FRMD4A: variants seen among roughly 807,000 people sequenced by gnomAD.
FRMD4A encodes the protein FERM domain containing 4A.
A neutral mutation model predicts 129.1 loss-of-function variants in FRMD4A; 29 were observed. The ratio of observed to expected loss-of-function variants is 0.22; its 90% confidence interval spans 0.17 to 0.31. FRMD4A has a LOEUF of 0.31. Among genes scored for constraint, FRMD4A ranks in the 10% least tolerant of loss-of-function variants. The pLI is 1.00. For missense variants in FRMD4A, 1,272 were observed against 1,375.8 expected (o/e 0.92, Z 1.19); for synonymous variants, 634 against 571.6 (o/e 1.11, Z -1.56).
chr10:13,820,348 T>C (rs1012962995), intron 3 of FRMD4A, among the ~76,000 whole-genome samples: 1 of 152,136 alleles, frequency 6.6e-6, no homozygotes, highest in African/African-American at 2.4e-5. Context: ...GAAGCCTGCA[T>C]TGACATTGGT....
chr10:13,955,554 T>G (rs1421532025), intron 2 of FRMD4A, among the ~76,000 whole-genome samples: 1 of 152,236 alleles, frequency 6.6e-6, no homozygotes, highest in Non-Finnish European at 1.5e-5. Flanking sequence ...TTTCTGCAGA[T>G]GAGCTGCAGT....
intron 2 of FRMD4A, among the ~76,000 whole-genome samples, chr10:14,047,886 G>C (rs1377759961): frequency 6.6e-6 from 1 of 152,160 alleles, no homozygotes; most frequent in Non-Finnish European, 1.5e-5. Flanking sequence ...GGCCTGTGTA[G>C]ACTATTGAAG....
At chr10:13,945,535 A>C (rs922320154) in intron 2 of FRMD4A, among the ~76,000 whole-genome samples, 2 of 152,236 alleles carry the variant, frequency 1.3e-5, no homozygotes, top group African/African-American at 4.8e-5. Context: ...ACACAGTTCA[A>C]GTCTCATAAA....
chr10:13,976,504 G>A (rs763105578), intron 2 of FRMD4A, among the ~76,000 whole-genome samples: 3 of 151,788 alleles, frequency 2.0e-5, no homozygotes, highest in African/African-American at 4.8e-5. Flanking sequence ...TTTCTATCCC[G>A]GCTCCCAGAC....
At chr10:13,780,011 A>C (rs2092696291) in intron 6 of FRMD4A, among the ~76,000 whole-genome samples, 1 of 152,040 alleles carries the variant, frequency 6.6e-6, no homozygotes, top group Non-Finnish European at 1.5e-5. Context: ...TAGCCAGTGG[A>C]GTGGGTGTTT....
At chr10:14,053,534 C>T (rs1464882511) in intron 2 of FRMD4A, among the ~76,000 whole-genome samples, 1 of 152,208 alleles carries the variant, frequency 6.6e-6, no homozygotes, top group Non-Finnish European at 1.5e-5. Context: ...GCTTCCAATA[C>T]ACCTTGCCCA....
intron 2 of FRMD4A, among the ~76,000 whole-genome samples, chr10:14,187,298 T>C (rs140789911): frequency 3.0e-4 from 45 of 152,336 alleles, no homozygotes; most frequent in African/African-American, 8.2e-4. Flanking sequence ...TACAGTCAAA[T>C]TGTGTATCAA....
intron 2 of FRMD4A, among the ~76,000 whole-genome samples, chr10:14,281,858 T>C (rs557629037): frequency 4.6e-4 from 70 of 152,202 alleles, no homozygotes; most frequent in South Asian, 8.3e-4. Flanking sequence ...TAGTAACAAG[T>C]TGGTCTATAC....
Position 14,273,251 on chromosome 10 carries a change from C to T in FRMD4A, c.45+56807G>A, listed in dbSNP as rs887113303. On this transcript the variant is annotated intron_variant, in intron 2 of 24. Transcript: ENST00000357447. ...CAGCCTGGGTGACAAAGTGAGAACC[C>T]GCCTCAGAAAAAAAATATATATATC... is the stretch of plus-strand genomic sequence containing the variant. Among the ~76,000 whole-genome samples the T allele has an allele frequency of 6.3e-4, 95 of 151,948 alleles. 1 individual carries two copies. The Middle Eastern group carries it at 0.01, about 16-fold the overall frequency.
chr10:14,138,040 C>T (rs1274115926), intron 2 of FRMD4A, among the ~76,000 whole-genome samples: 1 of 152,234 alleles, frequency 6.6e-6, no homozygotes, highest in Admixed American at 6.5e-5. Flanking sequence ...ACCACCTTGG[C>T]ATCCCATTAG....
chr10:13,761,635 T>G lies in FRMD4A; in HGVS notation c.464+12A>C. 1.9e-6 allele frequency: 3 copies of G among 1,597,582 alleles called. No individual in the cohort carries two copies. Among genetic ancestry groups the G allele is most frequent in the Non-Finnish European group, 2.6e-6 (3 of 1,168,398 alleles). ...CATTTTAAACAACACAACAACAAAA[T>G]TGTAAACTTACCTAGAAAAATCTCC... On this transcript the variant is annotated intron_variant, in intron 8 of 24. Coordinates refer to ENST00000357447, the MANE Select transcript of FRMD4A (RefSeq NM_018027.5).
intron 8 of FRMD4A, among the ~76,000 whole-genome samples, chr10:13,751,406 C>G (rs1331537137): frequency 6.6e-6 from 1 of 152,210 alleles, no homozygotes; most frequent in Non-Finnish European, 1.5e-5. Context: ...TCCCCGAGGA[C>G]AAATCTATAG....
intron 2 of FRMD4A, among the ~76,000 whole-genome samples, chr10:14,185,770 C>G (rs1842116434): frequency 6.6e-6 from 1 of 152,094 alleles, no homozygotes; most frequent in East Asian, 1.9e-4. Context: ...CCAGCCAAAG[C>G]AACAGATACG....
chr10:13,939,850 A>C (rs896975028), intron 2 of FRMD4A, among the ~76,000 whole-genome samples: 1 of 152,314 alleles, frequency 6.6e-6, no homozygotes, highest in East Asian at 1.9e-4. Flanking sequence ...TTCCCATCTC[A>C]TCACCTTAGT....
At chr10:13,783,985 C>A (rs186435996) in intron 5 of FRMD4A, among the ~76,000 whole-genome samples, 1 of 152,192 alleles carries the variant, frequency 6.6e-6, no homozygotes, top group African/African-American at 2.4e-5. Flanking sequence ...TAATGACCAG[C>A]CGCACTGAAG....
rs1168489802 is a variant in FRMD4A at position 13,699,224 on chromosome 10, G to GTTTTTTTT, written c.975+2108_975+2115dup. Among the ~76,000 whole-genome samples, 236 of 76,172 alleles carry GTTTTTTTT rather than the reference G, an allele frequency of 3.1e-3. 1 individual carries two copies. The highest frequency in any genetic ancestry group is 5.7e-3 in the East Asian group (11 of 1,938). The allele number at this position is 76,172 out of a possible 152,430, so 50.0% of individuals were successfully genotyped here. ...ATGCCTGCCACGATGCTTGGTTATT[G>GTTTTTTTT]TTTTTTTTTTTTTTTTTTTTTTTTG... On this transcript the variant is annotated intron_variant, in intron 14 of 24. Coordinates refer to ENST00000357447, the MANE Select transcript of FRMD4A (RefSeq NM_018027.5).
At position 14,231,365 on chromosome 10, in the gene FRMD4A, C is replaced by T. The variant is rs59708002; in HGVS notation, c.45+98693G>A. Among the ~76,000 whole-genome samples the T allele has an allele frequency of 5.6e-5, 8 of 144,010 alleles. No homozygotes were observed. In the South Asian group the frequency reaches 9.3e-4, roughly 17 times the overall value. 94.5% of individuals were successfully genotyped at this position (144,010 alleles called of 152,430 possible). On this transcript the variant is annotated intron_variant, in intron 2 of 24. Transcript: ENST00000357447. ...ATTGTGGTTTTTTTTTTTTTTGAGA[C>T]GGAGTCTTGCTCTGTCACCCAGGCT...
chr10:13,977,803 C>G (rs2095547198), intron 2 of FRMD4A, among the ~76,000 whole-genome samples: 1 of 152,182 alleles, frequency 6.6e-6, no homozygotes, highest in Non-Finnish European at 1.5e-5. Flanking sequence ...CAAGATTCAT[C>G]CATATTGTAG....
At chr10:14,063,256 G>A (rs996681799) in intron 2 of FRMD4A, among the ~76,000 whole-genome samples, 4 of 151,708 alleles carry the variant, frequency 2.6e-5, no homozygotes, top group African/African-American at 4.8e-5. Flanking sequence ...GTGCGTGTTC[G>A]GTTCCAGCTT....
Sources: allele counts gnomAD v4.1 joint callset (sites outside exome capture counted in the v4.1 genomes callset), GRCh38; gene constraint gnomAD v4.1.1; transcripts MANE v1.5; gene names NCBI Gene and HGNC (gene_info 2026-07-23, HGNC 2026-07-21).